IL1RAPL1: variants seen among roughly 807,000 people sequenced by gnomAD.
IL1RAPL1 encodes the protein interleukin-1 receptor accessory protein-like 1.
In IL1RAPL1, 3 loss-of-function variants were observed where a neutral mutation model predicts 48.4. That is an observed-to-expected ratio of 0.06 (90% CI 0.03 to 0.16). The LOEUF (loss-of-function observed/expected upper bound fraction) is 0.16, where lower values mean the gene tolerates loss of function less well. IL1RAPL1 is among the 10% of genes least tolerant of loss of function. IL1RAPL1 has a pLI of 1.00. For missense variants in IL1RAPL1, 349 were observed against 530.6 expected (o/e 0.66, Z 3.36); for synonymous variants, 185 against 187.7 (o/e 0.99, Z 0.12).
intron 5 of IL1RAPL1, among the ~76,000 whole-genome samples, chrX:29,572,648 C>A (rs1178742232): frequency 1.8e-5 from 2 of 112,496 alleles, no homozygotes; most frequent in Non-Finnish European, 3.8e-5. Context: ...GTTCTATGGT[C>A]AAACAAGTTT....
At chrX:28,627,974 G>C (rs1323975308) in intron 1 of IL1RAPL1, among the ~76,000 whole-genome samples, 2 of 111,329 alleles carry the variant, frequency 1.8e-5, no homozygotes, top group Admixed American at 1.9e-4. Flanking sequence ...ACAAAATGTA[G>C]TGGATAAAAC....
intron 1 of IL1RAPL1, among the ~76,000 whole-genome samples, chrX:28,668,279 G>A (rs1201699878): frequency 9.0e-6 from 1 of 110,880 alleles, no homozygotes; most frequent in Non-Finnish European, 1.9e-5. Flanking sequence ...TCTTTTTTGA[G>A]ACGGAGTCTC....
intron 5 of IL1RAPL1, among the ~76,000 whole-genome samples, chrX:29,637,720 T>C (rs192685560): frequency 2.0e-4 from 22 of 111,657 alleles, no homozygotes; most frequent in East Asian, 5.6e-4. Context: ...TCCCATTACA[T>C]TGGAAAAGCT....
At chrX:29,342,120 G>GTT (rs1426166796) in intron 3 of IL1RAPL1, among the ~76,000 whole-genome samples, 13 of 94,530 alleles carry the variant, frequency 1.4e-4, no homozygotes, top group African/African-American at 5.9e-4. Flanking sequence ...TTTTGTGTGT[G>GTT]TGTGTGTGTG....
rs144396991 is a variant in IL1RAPL1 at position 29,736,821 on chromosome X, G to A, written c.778+68317G>A. On this transcript the variant is annotated intron_variant, in intron 6 of 10. Transcript: ENST00000378993. ...TACTCATGAAATTGCTAAGTAGACT[G>A]ATTATTATATTATCTAGTTTTAACT... Among the ~76,000 whole-genome samples, 80 of 112,319 alleles carry A rather than the reference G, an allele frequency of 7.1e-4. 1 individual carries two copies. In the East Asian group the frequency reaches 0.022, roughly 31 times the overall value.
At chrX:29,918,282 G>A (rs1488040784) in intron 7 of IL1RAPL1, among the ~76,000 whole-genome samples, 1 of 94,347 alleles carries the variant, frequency 1.1e-5, no homozygotes, top group African/African-American at 3.9e-5. Context: ...CGAGGTGGGC[G>A]GATCACCTGA....
intron 2 of IL1RAPL1, among the ~76,000 whole-genome samples, chrX:28,881,035 T>C (rs754935710): frequency 1.8e-5 from 2 of 111,786 alleles, no homozygotes; most frequent in South Asian, 7.6e-4. Flanking sequence ...AATTATCTTT[T>C]AATATTTGTG....
chrX:28,857,630 TG>T (rs1308020142), intron 2 of IL1RAPL1, among the ~76,000 whole-genome samples: 4 of 111,543 alleles, frequency 3.6e-5, no homozygotes, highest in African/African-American at 1.3e-4. Context: ...GTTTATAGCA[TG>T]GGTTGCTGAG....
At chrX:29,563,927 T>G in intron 5 of IL1RAPL1, among the ~76,000 whole-genome samples, 1 of 112,214 alleles carries the variant, frequency 8.9e-6, no homozygotes, top group African/African-American at 3.2e-5. Context: ...ATTTTTTTGT[T>G]TTGTCTTGTC....
intron 2 of IL1RAPL1, among the ~76,000 whole-genome samples, chrX:28,979,373 G>A (rs1925277247): frequency 8.9e-6 from 1 of 111,992 alleles, no homozygotes; most frequent in Non-Finnish European, 1.9e-5. Context: ...TGTGTAGTCA[G>A]GTACTAGCGT....
At chrX:29,664,180 G>A (rs928776002) in intron 5 of IL1RAPL1, among the ~76,000 whole-genome samples, 96 of 111,597 alleles carry the variant, frequency 8.6e-4, no homozygotes, top group Middle Eastern at 4.7e-3. Context: ...CGAGGCAGGC[G>A]GATCACGAGG....
At chrX:28,753,008 A>G (rs979049298) in intron 1 of IL1RAPL1, among the ~76,000 whole-genome samples, 3 of 112,215 alleles carry the variant, frequency 2.7e-5, no homozygotes, top group Non-Finnish European at 5.6e-5. Flanking sequence ...CTTTTTACAA[A>G]CAAGTCTGTA....
At chrX:29,421,535 AAG>A (rs1404601603) in intron 5 of IL1RAPL1, among the ~76,000 whole-genome samples, 1 of 110,385 alleles carries the variant, frequency 9.1e-6, no homozygotes, top group African/African-American at 3.3e-5. Context: ...CAGGAAAAAT[AAG>A]AGAGTAACAG....
Position 28,725,126 on chromosome X carries a change from A to G in IL1RAPL1, c.-24-64194A>G, listed in dbSNP as rs1935653645. The stretch of plus-strand genomic sequence containing the variant: ...GCACCACGCCCGGCTAATTTTTTGT[A>G]TTTTTAGTAGAGACGAGGTTTCACC... On this transcript the variant is annotated intron_variant, in intron 1 of 10. Coordinates refer to ENST00000378993, the MANE Select transcript of IL1RAPL1 (RefSeq NM_014271.4). Among the ~76,000 whole-genome samples, 6 of 108,677 alleles carry G rather than the reference A, an allele frequency of 5.5e-5. No individual in the cohort carries two copies. The Admixed American group carries it at 5.9e-4, about 11-fold the overall frequency. 94.4% of individuals were successfully genotyped at this position (108,677 alleles called of 115,157 possible).
chrX:29,682,703 A>T (rs1472222087), intron 6 of IL1RAPL1, among the ~76,000 whole-genome samples: 1 of 112,509 alleles, frequency 8.9e-6, no homozygotes, highest in Non-Finnish European at 1.9e-5. Flanking sequence ...TAAATAATTC[A>T]TTTAGCATTC....
chrX:28,744,298 A>G (rs1329431048), intron 1 of IL1RAPL1, among the ~76,000 whole-genome samples: 2 of 111,827 alleles, frequency 1.8e-5, no homozygotes, highest in Admixed American at 9.6e-5. Context: ...TAAAACTAAT[A>G]TATGTTAAAA....
chrX:29,335,324 G>A (rs1424846007), intron 3 of IL1RAPL1, among the ~76,000 whole-genome samples: 1 of 26,521 alleles, frequency 3.8e-5, no homozygotes. Context: ...GGGGAGAGGG[G>A]AGAGGGGAGA....
intron 6 of IL1RAPL1, among the ~76,000 whole-genome samples, chrX:29,811,152 C>CT (rs1426211456): frequency 2.7e-5 from 3 of 110,489 alleles, no homozygotes; most frequent in African/African-American, 9.9e-5. Context: ...AGTGATTCTC[C>CT]TGTTATATGA....
chrX:28,964,384 C>T (rs1924868337), intron 2 of IL1RAPL1, among the ~76,000 whole-genome samples: 1 of 111,722 alleles, frequency 9.0e-6, no homozygotes, highest in African/African-American at 3.2e-5. Flanking sequence ...TTATTTGCTG[C>T]ATAGTATTCC....
Sources: gnomAD v4.1 joint callset for allele counts (sites outside exome capture counted in the v4.1 genomes callset) on GRCh38, gnomAD v4.1.1 for gene constraint, MANE v1.5 for transcripts, NCBI Gene and HGNC (gene_info 2026-07-23, HGNC 2026-07-21) for gene names.